Variants in L3MBTL4 observed in about 807,000 individuals in gnomAD.
The protein encoded by L3MBTL4 is L3MBTL histone methyl-lysine binding protein 4.
A neutral mutation model predicts 84.5 loss-of-function variants in L3MBTL4; 70 were observed. The ratio of observed to expected loss-of-function variants is 0.83; its 90% CI spans 0.68 to 1.01. L3MBTL4 has a LOEUF of 1.01. Ranked by LOEUF, L3MBTL4 falls within the 50% of genes least tolerant of loss-of-function variation. L3MBTL4 has a pLI of 0.00. For synonymous variants in L3MBTL4, 274 were observed against 259.8 expected, an observed-to-expected ratio of 1.05 and a Z score of -0.52; for missense variants, 715 against 754.8, an observed-to-expected ratio of 0.95 and a Z score of 0.62.
chr18:6,048,711 C>T (rs10048398), intron 16 of L3MBTL4, among the ~76,000 whole-genome samples: 24,050 of 151,526 alleles, frequency 0.16, 2,243 homozygotes, highest in African/African-American at 0.24. Context: ...ATCGCTTGAA[C>T]CCGGGAGGCG....
chr18:6,046,457 T>C (rs532236086), intron 16 of L3MBTL4, among the ~76,000 whole-genome samples: 1 of 152,316 alleles, frequency 6.6e-6, no homozygotes, highest in South Asian at 2.1e-4. Context: ...ATATGCATTA[T>C]TCTCATTTGC....
chr18:6,184,378 C>T (rs982908466), intron 12 of L3MBTL4, among the ~76,000 whole-genome samples: 4 of 152,104 alleles, frequency 2.6e-5, no homozygotes, highest in South Asian at 2.1e-4. Context: ...AGCATTAACA[C>T]TCATTGGACA....
chr18:5,995,991 G>C (rs774521499), intron 16 of L3MBTL4, among the ~76,000 whole-genome samples: 2 of 152,204 alleles, frequency 1.3e-5, no homozygotes. Flanking sequence ...AGCTGGAGGC[G>C]TGTGTGGCTG....
intron 13 of L3MBTL4, among the ~76,000 whole-genome samples, chr18:6,166,996 T>A (rs1314128223): frequency 2.0e-5 from 3 of 151,906 alleles, no homozygotes; most frequent in African/African-American, 4.8e-5. Flanking sequence ...AAAGGGGATA[T>A]CACCACCGAT....
intron 12 of L3MBTL4, among the ~76,000 whole-genome samples, chr18:6,195,401 C>A (rs1485349949): frequency 2.0e-5 from 3 of 152,220 alleles, no homozygotes; most frequent in Non-Finnish European, 4.4e-5. Context: ...TACTTGATTA[C>A]TTGCCTGTAA....
intron 12 of L3MBTL4, among the ~76,000 whole-genome samples, chr18:6,192,350 G>A (rs2045149131): frequency 6.6e-6 from 1 of 152,202 alleles, no homozygotes; most frequent in South Asian, 2.1e-4. Flanking sequence ...CTGAAAGGTG[G>A]CAGAGCAGGC....
intron 16 of L3MBTL4, among the ~76,000 whole-genome samples, chr18:6,001,515 C>T (rs1046155263): frequency 2.6e-5 from 4 of 151,848 alleles, no homozygotes; most frequent in African/African-American, 7.3e-5. Flanking sequence ...CTGGGGAAGG[C>T]GGGGAATCTG....
chr18:6,163,298 T>TGC (rs1568231556), intron 13 of L3MBTL4, among the ~76,000 whole-genome samples: 6 of 126,052 alleles, frequency 4.8e-5, no homozygotes, highest in Non-Finnish European at 3.1e-5. Context: ...TGTGTGTGTG[T>TGC]GTGTGTGTGG....
intron 16 of L3MBTL4, among the ~76,000 whole-genome samples, chr18:6,048,535 A>T (rs568583954): frequency 6.6e-6 from 1 of 152,242 alleles, no homozygotes; most frequent in East Asian, 1.9e-4. Flanking sequence ...GGTGGCTCAC[A>T]TCTGTCATCC....
chr18:6,115,367 G>A (rs1598798675), intron 14 of L3MBTL4, among the ~76,000 whole-genome samples: 1 of 152,192 alleles, frequency 6.6e-6, no homozygotes, highest in Admixed American at 6.5e-5. Context: ...GGCAAATCTG[G>A]AAGAATTTAG....
At chr18:6,265,408 G>C (rs1468625120) in intron 4 of L3MBTL4, among the ~76,000 whole-genome samples, 2 of 152,172 alleles carry the variant, frequency 1.3e-5, no homozygotes, top group East Asian at 3.9e-4. Flanking sequence ...CATACTAAGA[G>C]AGTAGTTAAG....
At chr18:6,043,137 T>G (rs2056472993) in intron 16 of L3MBTL4, among the ~76,000 whole-genome samples, 1 of 152,182 alleles carries the variant, frequency 6.6e-6, no homozygotes, top group Non-Finnish European at 1.5e-5. Context: ...CCTCTTCATC[T>G]TTTCTATACC....
At chr18:6,193,431 G>A (rs1194080149) in intron 12 of L3MBTL4, among the ~76,000 whole-genome samples, 1 of 152,198 alleles carries the variant, frequency 6.6e-6, no homozygotes, top group East Asian at 1.9e-4. Context: ...GGAGCAAAGA[G>A]TACAAATCTC....
At chr18:6,221,580 T>G (rs1232527711) in intron 10 of L3MBTL4, among the ~76,000 whole-genome samples, 3 of 152,168 alleles carry the variant, frequency 2.0e-5, no homozygotes, top group African/African-American at 7.2e-5. Flanking sequence ...AGCCTGTGTC[T>G]CCTGACTTGC....
Position 6,021,953 on chromosome 18 carries a change from G to A in L3MBTL4, c.1445-52391C>T, listed in dbSNP as rs552368329. Among the ~76,000 whole-genome samples the A allele has an allele frequency of 5.3e-5, 8 of 152,280 alleles. No homozygotes were observed. In the East Asian group the frequency reaches 7.7e-4, roughly 15 times the overall value. On this transcript the variant is annotated intron_variant, in intron 16 of 18. Transcript: ENST00000317931. ...CACCCAGTGTGGTAGTGGTGATGCT[G>A]CTGATAGTCATTTACTACCAGGCAT...
At chr18:6,154,983 T>C (rs1310526427) in intron 13 of L3MBTL4, among the ~76,000 whole-genome samples, 2 of 152,186 alleles carry the variant, frequency 1.3e-5, no homozygotes, top group Non-Finnish European at 2.9e-5. Context: ...CTAAAAAATA[T>C]AAACTGCTCA....
intron 14 of L3MBTL4, among the ~76,000 whole-genome samples, chr18:6,102,782 C>G (rs964420031): frequency 6.6e-6 from 1 of 152,162 alleles, no homozygotes; most frequent in Non-Finnish European, 1.5e-5. Flanking sequence ...TGCTCAAGTA[C>G]CAAAAAGTCA....
At chr18:6,285,829 ATTATTATT>A (rs1042301318) in intron 4 of L3MBTL4, among the ~76,000 whole-genome samples, 1 of 145,824 alleles carries the variant, frequency 6.9e-6, no homozygotes, top group African/African-American at 2.5e-5. Context: ...TATTATTATT[ATTATTATT>A]ATTATTATTT....
intron 16 of L3MBTL4, among the ~76,000 whole-genome samples, chr18:6,005,416 G>A (rs1400665038): frequency 1.3e-5 from 2 of 151,822 alleles, no homozygotes; most frequent in African/African-American, 4.8e-5. Context: ...GAGGGTTTGG[G>A]GTACAGATTA....
Sources: allele counts gnomAD v4.1 joint callset (sites outside exome capture counted in the v4.1 genomes callset), GRCh38; gene constraint gnomAD v4.1.1; transcripts MANE v1.5; gene names NCBI Gene and HGNC (gene_info 2026-07-23, HGNC 2026-07-21).